The following MCFD2 variants were observed in gnomAD, a reference collection of about 807,000 sequenced individuals.
The protein encoded by MCFD2 is multiple coagulation factor deficiency protein 2.
A neutral mutation model predicts 12.8 loss-of-function variants in MCFD2; 11 were observed. That is an observed-to-expected ratio of 0.86 (90% CI 0.54 to 1.42). The LOEUF (loss-of-function observed/expected upper bound fraction) is 1.42, where lower values mean the gene tolerates loss of function less well. Among genes scored for constraint, MCFD2 ranks in the 40% most tolerant of loss-of-function variants. MCFD2 has a pLI of 0.00. For missense variants in MCFD2, 191 were observed against 178.6 expected (o/e 1.07, Z -0.40); for synonymous variants, 70 against 68.1 (o/e 1.03, Z -0.14).
intron 1 of MCFD2, among the ~76,000 whole-genome samples, chr2:46,922,687 T>C (rs970047434): frequency 1.3e-5 from 2 of 151,940 alleles, no homozygotes; most frequent in Non-Finnish European, 2.9e-5. Flanking sequence ...TCCCATTCTC[T>C]CACTCAACAA....
intron 1 of MCFD2, among the ~76,000 whole-genome samples, chr2:46,936,805 GTCT>G (rs909503138): frequency 2.3e-4 from 35 of 152,056 alleles, no homozygotes; most frequent in African/African-American, 8.2e-4. Flanking sequence ...ACATCCAGTG[GTCT>G]TCTTTTTTTT....
intron 1 of MCFD2, among the ~76,000 whole-genome samples, chr2:46,939,930 C>G (rs1173774610): frequency 6.6e-6 from 1 of 152,192 alleles, no homozygotes; most frequent in Non-Finnish European, 1.5e-5. Context: ...ACCTCCTGGC[C>G]TCTGGGGGTT....
At chr2:46,923,616 G>C (rs1485682759) in intron 1 of MCFD2, among the ~76,000 whole-genome samples, 1 of 152,160 alleles carries the variant, frequency 6.6e-6, no homozygotes, top group Non-Finnish European at 1.5e-5. Context: ...AATTGACCAG[G>C]TGTGATGGTT....
chr2:46,917,453 C>T (rs1239432163), upstream of MCFD2, among the ~76,000 whole-genome samples: 1 of 152,204 alleles, frequency 6.6e-6, no homozygotes, highest in African/African-American at 2.4e-5. Flanking sequence ...TCCCTTTGTT[C>T]ATTTATTCAT....
rs1668287196 is a variant in MCFD2, at chr2:46,907,370, AC to A, written c.309+439del. Reference sequence around the variant, plus strand: ...ACACAGAAGAGAAAGAAGCAGCAGCACCTTTTTTTTTCTTTTCTTTTTTTCT... The same window carrying A: ...ACACAGAAGAGAAAGAAGCAGCAGCACTTTTTTTTTCTTTTCTTTTTTTCT... On this transcript the variant is annotated intron_variant, in intron 3 of 3. Transcript: ENST00000319466. The surrounding 1 kb of genome is among the most constrained non-coding windows in gnomAD (Gnocchi z 4.1). The A allele has an allele frequency of 9.9e-6, 2 of 202,618 alleles. No individual in the cohort carries two copies. Among genetic ancestry groups the A allele is most frequent in the Admixed American group, 5.4e-5 (1 of 18,682 alleles). The allele number at this position is 202,618 out of a possible 1,614,324, so 12.6% of individuals were successfully genotyped here. A position where few individuals can be genotyped will look rare whatever the true frequency, so the allele number is the denominator to read the frequency against.
At position 46,915,736 on chromosome 2, in the gene MCFD2, G is replaced by A; in HGVS notation, c.-20C>T. 2.0e-6 allele frequency: 2 copies of A among 979,120 alleles called. No homozygotes were observed. The highest frequency in any genetic ancestry group is 2.4e-6 in the Non-Finnish European group (2 of 825,254). The allele number at this position is 979,120 out of a possible 1,614,324, so 60.7% of individuals were successfully genotyped here. On this transcript the variant is annotated 5_prime_UTR_variant, in exon 1 of 4. Coordinates refer to ENST00000319466, the MANE Select transcript of MCFD2 (RefSeq NM_139279.6). ...TAGTTCACTCACCCTTACGGTCTCC[G>A]AAGCAGACGCGAAGCCCTCCAACGT...
rs1253326172 is a variant in MCFD2 at position 46,902,845 on chromosome 2, T to G, written c.*2618A>C. 6.6e-6 allele frequency: 1 copy of G among 152,134 alleles called. No homozygotes were observed. The highest frequency in any genetic ancestry group is 6.5e-5 in the Admixed American group (1 of 15,276). The allele number at this position is 152,134 out of a possible 1,614,324, so 9.4% of individuals were successfully genotyped here. ...AACCACCAGGGCAAACATTTGGTAT[T>G]CACTCCACTTCACTGTTACTGAAAA... On this transcript the variant is annotated 3_prime_UTR_variant, in exon 4 of 4. Coordinates refer to ENST00000319466, the MANE Select transcript of MCFD2 (RefSeq NM_139279.6).
At chr2:46,930,968 A>G (rs1558479820) in intron 1 of MCFD2, among the ~76,000 whole-genome samples, 1 of 152,154 alleles carries the variant, frequency 6.6e-6, no homozygotes, top group Non-Finnish European at 1.5e-5. Flanking sequence ...CCAAAAGCCA[A>G]TGAAGACAGT....
chr2:46,939,334 G>A (rs1670138332), intron 1 of MCFD2, among the ~76,000 whole-genome samples: 1 of 152,060 alleles, frequency 6.6e-6, no homozygotes, highest in Non-Finnish European at 1.5e-5. Flanking sequence ...GTGGGTTCTT[G>A]TTCCTAGTTT....
At chr2:46,924,028 G>A (rs1344546561) in intron 1 of MCFD2, among the ~76,000 whole-genome samples, 2 of 151,962 alleles carry the variant, frequency 1.3e-5, no homozygotes, top group Admixed American at 1.3e-4. Context: ...GAGCCACTGT[G>A]CCCGGCCTAT....
chr2:46,924,670 TG>T (rs1669291273), intron 1 of MCFD2, among the ~76,000 whole-genome samples: 1 of 152,164 alleles, frequency 6.6e-6, no homozygotes, highest in Non-Finnish European at 1.5e-5. Flanking sequence ...TCTGTCACCC[TG>T]GCTGGAGCGC....
upstream of MCFD2, among the ~76,000 whole-genome samples, chr2:46,918,392 G>A (rs534609055): frequency 1.3e-5 from 2 of 152,196 alleles, no homozygotes; most frequent in Non-Finnish European, 2.9e-5. Flanking sequence ...AGTAGATGAT[G>A]CTGCTGGACT....
upstream of MCFD2, chr2:46,916,158 T>G: frequency 5.1e-6 from 5 of 985,460 alleles, no homozygotes; most frequent in Non-Finnish European, 6.0e-6. Flanking sequence ...GCTCACCCCC[T>G]CCTATACAGG....
upstream of MCFD2, chr2:46,915,882 C>T: frequency 1.0e-6 from 1 of 984,698 alleles, no homozygotes; most frequent in African/African-American, 1.7e-5. Context: ...GCCGCCGGGC[C>T]CCTCCCGCTG....
upstream of MCFD2, among the ~76,000 whole-genome samples, chr2:46,917,878 G>C (rs1162631803): frequency 6.6e-6 from 1 of 152,096 alleles, no homozygotes; most frequent in African/African-American, 2.4e-5. Context: ...GGGTCCTTCT[G>C]CTACCTCACT....
rs1670041236 is a variant in MCFD2, at chr2:46,937,523, C to A, written c.-8+4049G>T. Among the ~76,000 whole-genome samples, 1 of 152,186 alleles carries A rather than the reference C, an allele frequency of 6.6e-6. No homozygotes were observed. Among genetic ancestry groups the A allele is most frequent in the Admixed American group, 6.5e-5 (1 of 15,274 alleles). Reference sequence around the variant, plus strand: ...TCATCCAGAGCAGCCAGATTTATAGCAATTCATTTATATGCCAGTAGGGGC... The same window carrying A: ...TCATCCAGAGCAGCCAGATTTATAGAAATTCATTTATATGCCAGTAGGGGC... On this transcript the variant is annotated intron_variant, in intron 1 of 2. Coordinates refer to the MCFD2 transcript ENST00000409147. This position sits in a 1 kb window ranked among gnomAD's most constrained non-coding sequence, Gnocchi z 4.0.
chr2:46,918,141 A>G (rs1668911074), upstream of MCFD2, among the ~76,000 whole-genome samples: 1 of 152,176 alleles, frequency 6.6e-6, no homozygotes. Flanking sequence ...TGGCATCTCA[A>G]ACTTAATGTG....
chr2:46,938,836 AC>A (rs1043995327), intron 1 of MCFD2, among the ~76,000 whole-genome samples: 4 of 151,686 alleles, frequency 2.6e-5, no homozygotes, highest in African/African-American at 9.7e-5. Context: ...ACATAGTGAA[AC>A]CCGTCTCTAC....
intron 3 of MCFD2, chr2:46,905,962 C>G (rs139090173): frequency 1.7e-4 from 83 of 475,472 alleles, no homozygotes; most frequent in African/African-American, 1.5e-3. Context: ...TCCTGAGGGT[C>G]AGCTCTGTGC....
Sources: allele counts gnomAD v4.1 joint callset (sites outside exome capture counted in the v4.1 genomes callset), GRCh38; gene constraint gnomAD v4.1.1; non-coding constraint Gnocchi (gnomAD v3.1); transcripts MANE v1.5; gene names NCBI Gene and HGNC (gene_info 2026-07-23, HGNC 2026-07-21).